PAK5: variants seen among roughly 807,000 people sequenced by gnomAD.
PAK5 encodes p21 (RAC1) activated kinase 5.
In PAK5, 16 loss-of-function variants were observed where a neutral mutation model predicts 65.9. The observed-to-expected ratio is 0.24, with a 90% confidence interval of 0.16 to 0.37. The LOEUF is 0.37. Ranked by LOEUF, PAK5 falls within the 10% of genes least tolerant of loss-of-function variation. The probability of loss-of-function intolerance (pLI) is 1.00; values close to 1 mark genes in which losing one functional copy is unlikely to be tolerated. For missense variants in PAK5, 785 were observed against 903.9 expected, an observed-to-expected ratio of 0.87 and a Z score of 1.69; for synonymous variants, 371 against 354.9, an observed-to-expected ratio of 1.05 and a Z score of -0.51.
chr20:9,798,603 G>C (rs894008648), intron 1 of PAK5, among the ~76,000 whole-genome samples: 2 of 152,130 alleles, frequency 1.3e-5, no homozygotes, highest in African/African-American at 4.8e-5. Context: ...GAGAAGAACA[G>C]GTAAGTTTGA....
chr20:9,651,869 A>C (rs1420133505), intron 2 of PAK5, among the ~76,000 whole-genome samples: 1 of 152,174 alleles, frequency 6.6e-6, no homozygotes, highest in East Asian at 1.9e-4. Context: ...TTAAGAAAGA[A>C]ATATGTCAAA....
At chr20:9,760,502 G>T (rs1211243903) in intron 1 of PAK5, among the ~76,000 whole-genome samples, 1 of 151,038 alleles carries the variant, frequency 6.6e-6, no homozygotes. Flanking sequence ...CAAATCTACT[G>T]GGCTGCTCCT....
intron 3 of PAK5, among the ~76,000 whole-genome samples, chr20:9,606,695 GAC>G (rs2046460769): frequency 6.6e-6 from 1 of 152,226 alleles, no homozygotes; most frequent in Admixed American, 6.5e-5. Flanking sequence ...AATGGAAGCA[GAC>G]ACAAGGTGAG....
intron 1 of PAK5, among the ~76,000 whole-genome samples, chr20:9,716,909 C>T (rs1382395305): frequency 1.3e-5 from 2 of 151,934 alleles, no homozygotes; most frequent in Non-Finnish European, 2.9e-5. Context: ...CATGGCGAAA[C>T]CCCGTCTCCA....
intron 2 of PAK5, among the ~76,000 whole-genome samples, chr20:9,696,846 T>C (rs2047876387): frequency 6.6e-6 from 1 of 152,102 alleles, no homozygotes; most frequent in South Asian, 2.1e-4. Flanking sequence ...TTTTACTAGA[T>C]GAATATCTCT....
intron 2 of PAK5, among the ~76,000 whole-genome samples, chr20:9,686,168 A>G (rs1471901616): frequency 2.0e-5 from 3 of 152,198 alleles, no homozygotes; most frequent in Non-Finnish European, 4.4e-5. Flanking sequence ...TGTAATAAAC[A>G]GGAAAACCAT....
At chr20:9,540,093 T>G (rs2045236278) in intron 9 of PAK5, among the ~76,000 whole-genome samples, 1 of 152,198 alleles carries the variant, frequency 6.6e-6, no homozygotes, top group Non-Finnish European at 1.5e-5. Context: ...CTTGTAATTT[T>G]CCTTTTAAAG....
rs545140358 is a variant in PAK5 at position 9,771,582 on chromosome 20, A to ATTTTTTTTTTTTTTTTTTTT, written c.-161-60148_-161-60147insAAAAAAAAAAAAAAAAAAAA. Among the ~76,000 whole-genome samples the ATTTTTTTTTTTTTTTTTTTT allele has an allele frequency of 2.4e-3, 268 of 109,706 alleles. 5 individuals carry two copies. Among genetic ancestry groups the ATTTTTTTTTTTTTTTTTTTT allele is most frequent in the East Asian group, 0.019 (59 of 3,136 alleles). The allele number at this position is 109,706 out of a possible 152,430, so 72.0% of individuals were successfully genotyped here. On this transcript the variant is annotated intron_variant, in intron 1 of 9. Transcript: ENST00000353224. ...GCCACCACATTCAGTCAATTTTTTA[A>ATTTTTTTTTTTTTTTTTTTT]TTTTTTTTTTTTTTTTTTGTAGAAA...
chr20:9,594,709 T>A (rs1175052699), intron 3 of PAK5, among the ~76,000 whole-genome samples: 1 of 152,216 alleles, frequency 6.6e-6, no homozygotes, highest in Non-Finnish European at 1.5e-5. Context: ...TATAAAAGCA[T>A]TCCAACTTGT....
intron 1 of PAK5, among the ~76,000 whole-genome samples, chr20:9,725,786 AGTC>A (rs1286919305): frequency 6.6e-6 from 1 of 152,194 alleles, no homozygotes; most frequent in Non-Finnish European, 1.5e-5. Context: ...TATTAAAACT[AGTC>A]ATTATATGAG....
At chr20:9,622,014 A>T (rs1006930510) in intron 3 of PAK5, among the ~76,000 whole-genome samples, 1 of 152,166 alleles carries the variant, frequency 6.6e-6, no homozygotes, top group Non-Finnish European at 1.5e-5. Flanking sequence ...CATCTCCCTC[A>T]GTAAGTCACT....
chr20:9,596,412 G>A (rs538701937), intron 3 of PAK5, among the ~76,000 whole-genome samples: 15 of 152,062 alleles, frequency 9.9e-5, no homozygotes, highest in South Asian at 4.1e-4. Flanking sequence ...CGAGGCGGGC[G>A]GATCACAAGG....
At chr20:9,651,119 G>C (rs2047197456) in intron 2 of PAK5, among the ~76,000 whole-genome samples, 1 of 152,256 alleles carries the variant, frequency 6.6e-6, no homozygotes, top group African/African-American at 2.4e-5. Context: ...GGACTTCCTG[G>C]ATCTGAATCT....
chr20:9,781,838 C>T (rs746864514), intron 1 of PAK5, among the ~76,000 whole-genome samples: 11 of 152,088 alleles, frequency 7.2e-5, no homozygotes, highest in Admixed American at 1.3e-4. Flanking sequence ...TGTCCTGAGC[C>T]ACCACCCACT....
chr20:9,775,726 T>A (rs1035512054), intron 1 of PAK5, among the ~76,000 whole-genome samples: 2 of 152,168 alleles, frequency 1.3e-5, no homozygotes, highest in African/African-American at 4.8e-5. Context: ...TGTATCTATT[T>A]ATGGGGTAAC....
chr20:9,739,469 G>A (rs901730999), intron 1 of PAK5, among the ~76,000 whole-genome samples: 2 of 152,098 alleles, frequency 1.3e-5, no homozygotes, highest in African/African-American at 4.8e-5. Flanking sequence ...CTTAGTTTAT[G>A]TTATGGGAGT....
At chr20:9,595,225 A>G (rs2046243008) in intron 3 of PAK5, among the ~76,000 whole-genome samples, 1 of 152,120 alleles carries the variant, frequency 6.6e-6, no homozygotes, top group African/African-American at 2.4e-5. Flanking sequence ...ACAGCAATTC[A>G]AAACAGAAAA....
In PAK5 at chr20:9,658,781, T is replaced by C. The variant is rs188489165; in HGVS notation, c.-11-14442A>G. The stretch of plus-strand genomic sequence containing the variant: ...CTAATTTCAAGCTACCAATGTGACA[T>C]TGCAGAACATTTTTTTAATTAAAAA... On this transcript the variant is annotated intron_variant, in intron 2 of 9. Transcript: ENST00000353224. 1.4e-4 allele frequency among the ~76,000 whole-genome samples: 21 copies of C among 152,298 alleles called. No individual in the cohort carries two copies. The East Asian group carries it at 3.3e-3, about 24-fold the overall frequency.
chr20:9,647,304 C>CA (rs2047147314), intron 2 of PAK5, among the ~76,000 whole-genome samples: 1 of 152,160 alleles, frequency 6.6e-6, no homozygotes, highest in East Asian at 1.9e-4. Flanking sequence ...ATTTAGTGAG[C>CA]ATAAAATACA....
Sources: allele counts gnomAD v4.1 joint callset (sites outside exome capture counted in the v4.1 genomes callset), GRCh38; gene constraint gnomAD v4.1.1; transcripts MANE v1.5; gene names NCBI Gene and HGNC (gene_info 2026-07-23, HGNC 2026-07-21).